Variants in GALNTL6 observed in about 807,000 individuals in gnomAD.
GALNTL6 encodes polypeptide N-acetylgalactosaminyltransferase like 6, also known as polypeptide N-acetylgalactosaminyltransferase-like 6.
GALNTL6 carries 46 observed loss-of-function variants against 73.7 expected under a neutral mutation model. That is an observed-to-expected ratio of 0.62 (90% CI 0.49 to 0.80). GALNTL6 has a LOEUF of 0.80. Among genes scored for constraint, GALNTL6 ranks in the 30% least tolerant of loss-of-function variants. The pLI, the probability that GALNTL6 is intolerant of heterozygous loss-of-function variation, is 0.00. For missense variants in GALNTL6, 604 were observed against 755.0 expected, an observed-to-expected ratio of 0.80 and a Z score of 2.34; for synonymous variants, 259 against 263.7, an observed-to-expected ratio of 0.98 and a Z score of 0.17.
intron 2 of GALNTL6, among the ~76,000 whole-genome samples, chr4:171,893,744 A>G (rs535411840): frequency 6.6e-5 from 10 of 152,322 alleles, no homozygotes; most frequent in African/African-American, 1.2e-4. Flanking sequence ...CTTTTCCTCT[A>G]AGTCTACTTA....
intron 2 of GALNTL6, among the ~76,000 whole-genome samples, chr4:171,884,617 T>G (rs1736557503): frequency 2.0e-5 from 3 of 151,978 alleles, no homozygotes; most frequent in African/African-American, 7.2e-5. Context: ...TATATAAAAA[T>G]ATGATATACA....
chr4:172,762,451 TAAA>T (rs5864167), intron 5 of GALNTL6, among the ~76,000 whole-genome samples: 1 of 145,516 alleles, frequency 6.9e-6, no homozygotes, highest in African/African-American at 2.5e-5. Flanking sequence ...GTGTCAAACT[TAAA>T]AAAAAAAAAA....
At chr4:172,097,387 C>A (rs1732385246) in intron 2 of GALNTL6, among the ~76,000 whole-genome samples, 1 of 152,112 alleles carries the variant, frequency 6.6e-6, no homozygotes, top group East Asian at 1.9e-4. Flanking sequence ...CCCCGCTATG[C>A]CCTTGGCAAC....
intron 2 of GALNTL6, among the ~76,000 whole-genome samples, chr4:171,952,295 A>C (rs536145809): frequency 6.6e-6 from 1 of 152,198 alleles, no homozygotes; most frequent in Non-Finnish European, 1.5e-5. Flanking sequence ...CATAAAGTAC[A>C]TGGAATTGTG....
At position 172,520,373 on chromosome 4, in the gene GALNTL6, A is replaced by G. The variant is rs76835338; in HGVS notation, c.553+171684A>G. Among the ~76,000 whole-genome samples the G allele has an allele frequency of 2.6e-3, 401 of 152,120 alleles. 3 individuals carry two copies. The highest frequency in any genetic ancestry group is 8.7e-3 in the African/African-American group (363 of 41,562). On this transcript the variant is annotated intron_variant, in intron 5 of 12. Transcript: ENST00000506823. ...TATTTTTATACACAGTTCTCACTAG[A>G]CAACTGTTAATGGAAATTATTCCAC...
chr4:172,554,195 G>A (rs1736063196), intron 5 of GALNTL6, among the ~76,000 whole-genome samples: 1 of 152,012 alleles, frequency 6.6e-6, no homozygotes, highest in Non-Finnish European at 1.5e-5. Context: ...TTTCAATATT[G>A]GAAACTATGT....
intron 2 of GALNTL6, among the ~76,000 whole-genome samples, chr4:171,820,561 A>G (rs752858038): frequency 6.6e-6 from 1 of 152,106 alleles, no homozygotes; most frequent in Non-Finnish European, 1.5e-5. Flanking sequence ...TGTTTTTTCC[A>G]TTGCTTTGAA....
chr4:171,937,100 CCTT>C (rs879637114), intron 2 of GALNTL6, among the ~76,000 whole-genome samples: 2 of 152,120 alleles, frequency 1.3e-5, no homozygotes, highest in Non-Finnish European at 1.5e-5. Flanking sequence ...GATGAATTCT[CCTT>C]CTCTATTATC....
intron 4 of GALNTL6, among the ~76,000 whole-genome samples, chr4:172,334,155 C>T (rs1219924117): frequency 1.3e-5 from 2 of 152,062 alleles, no homozygotes; most frequent in East Asian, 1.9e-4. Context: ...TTACTATAGC[C>T]TTGTAATATA....
At chr4:172,593,459 C>A (rs774195767) in intron 5 of GALNTL6, among the ~76,000 whole-genome samples, 1 of 152,122 alleles carries the variant, frequency 6.6e-6, no homozygotes, top group Admixed American at 6.5e-5. Context: ...TTAGGATCAT[C>A]GGTAATGCTG....
At chr4:172,947,495 G>A (rs1325704868) in intron 9 of GALNTL6, among the ~76,000 whole-genome samples, 2 of 152,104 alleles carry the variant, frequency 1.3e-5, no homozygotes, top group East Asian at 1.9e-4. Context: ...AACCTCTAGA[G>A]ATGCAACATC....
rs551317903 is a variant in GALNTL6 at position 172,983,277 on chromosome 4, G to A, written c.1372-25901G>A. On this transcript the variant is annotated intron_variant, in intron 10 of 12. Coordinates refer to ENST00000506823, the MANE Select transcript of GALNTL6 (RefSeq NM_001034845.3). ...GAGCTTCTGGAGGAAGCACAGCCCT[G>A]CCGACAGCTTGATTTCAGACTTCTG... 2.0e-5 allele frequency among the ~76,000 whole-genome samples: 3 copies of A among 152,310 alleles called. No individual in the cohort carries two copies. In the South Asian group the frequency reaches 6.2e-4, roughly 32 times the overall value.
At chr4:172,741,754 T>A (rs1283010667) in intron 5 of GALNTL6, among the ~76,000 whole-genome samples, 1 of 151,968 alleles carries the variant, frequency 6.6e-6, no homozygotes, top group African/African-American at 2.4e-5. Context: ...CTACATATAT[T>A]TAAACTTATA....
Position 172,069,522 on chromosome 4 carries a change from G to GACACATATATGTTATA in GALNTL6, c.139-160134_139-160133insACACATATATGTTATA, listed in dbSNP as rs1731460599. On this transcript the variant is annotated intron_variant, in intron 2 of 12. Transcript: ENST00000506823. ...TATGTATAACACATATATGTTATAT[G>GACACATATATGTTATA]TATAACACATATATTATATATAACA... Among the ~76,000 whole-genome samples, 18 of 56,016 alleles carry GACACATATATGTTATA rather than the reference G, an allele frequency of 3.2e-4. 7 individuals are homozygous for GACACATATATGTTATA. Among genetic ancestry groups the GACACATATATGTTATA allele is most frequent in the African/African-American group, 4.7e-4 (5 of 10,592 alleles). 36.7% of individuals were successfully genotyped at this position (56,016 alleles called of 152,430 possible). A position where few individuals can be genotyped will look rare whatever the true frequency, so the allele number is the denominator to read the frequency against.
chr4:171,859,272 T>C (rs1335766163), intron 2 of GALNTL6, among the ~76,000 whole-genome samples: 1 of 152,224 alleles, frequency 6.6e-6, no homozygotes, highest in Non-Finnish European at 1.5e-5. Context: ...TCCAGGCAGT[T>C]CATAATATGC....
chr4:172,371,641 G>T (rs554268791), intron 5 of GALNTL6, among the ~76,000 whole-genome samples: 1 of 150,168 alleles, frequency 6.7e-6, no homozygotes, highest in Non-Finnish European at 1.5e-5. Context: ...CTCTTCCTCT[G>T]TCTCCTTCTC....
chr4:172,371,377 C>T (rs1451200231), intron 5 of GALNTL6, among the ~76,000 whole-genome samples: 8 of 152,346 alleles, frequency 5.3e-5, no homozygotes, highest in East Asian at 1.9e-4. Flanking sequence ...TCAGTGCTTT[C>T]GGGCTATGCC....
chr4:172,121,957 CT>C (rs35299123), intron 2 of GALNTL6, among the ~76,000 whole-genome samples: 67,744 of 147,326 alleles, frequency 0.46, 15,919 homozygotes, highest in African/African-American at 0.59. Context: ...TTAGGTGACA[CT>C]TTTTTTTTTT....
intron 5 of GALNTL6, among the ~76,000 whole-genome samples, chr4:172,790,579 A>C (rs895776030): frequency 1.2e-4 from 19 of 152,218 alleles, no homozygotes; most frequent in African/African-American, 4.6e-4. Context: ...CCCAGTATGT[A>C]GTATTTTATC....
Sources: allele counts gnomAD v4.1 joint callset (sites outside exome capture counted in the v4.1 genomes callset), GRCh38; gene constraint gnomAD v4.1.1; transcripts MANE v1.5; gene names NCBI Gene and HGNC (gene_info 2026-07-23, HGNC 2026-07-21).